Variants in DLGAP2 observed in about 807,000 individuals in gnomAD.
The protein encoded by DLGAP2 is disks large-associated protein 2.
Under a neutral mutation model 100.3 loss-of-function variants are expected in DLGAP2, and 26 were observed. The ratio of observed to expected loss-of-function variants is 0.26; its 90% CI spans 0.19 to 0.36. The LOEUF (loss-of-function observed/expected upper bound fraction) is 0.36, where lower values mean the gene tolerates loss of function less well. Ranked by LOEUF, DLGAP2 falls within the 10% of genes least tolerant of loss-of-function variation. DLGAP2 has a pLI of 1.00. For synonymous variants in DLGAP2, 886 were observed against 630.1 expected (o/e 1.41, Z -6.08); for missense variants, 1,858 against 1,453.2 (o/e 1.28, Z -4.53).
At position 1,703,972 on chromosome 8, in the gene DLGAP2, G is replaced by C. The variant is rs970879059; in HGVS notation, c.*2566G>C. 1.3e-5 allele frequency: 2 copies of C among 152,556 alleles called. No homozygotes were observed. The highest frequency in any genetic ancestry group is 4.8e-5 in the African/African-American group (2 of 41,412). The allele number at this position is 152,556 out of a possible 1,614,324, so 9.5% of individuals were successfully genotyped here. A position where few individuals can be genotyped will look rare whatever the true frequency, so the allele number is the denominator to read the frequency against. On this transcript the variant is annotated 3_prime_UTR_variant, in exon 15 of 15. Transcript: ENST00000637795. Reference sequence around the variant, plus strand: ...CGGATACCTGCTGCTAGACCTGATGGAATGTTACCTGTCCGTGTTACATAA... The same window carrying C: ...CGGATACCTGCTGCTAGACCTGATGCAATGTTACCTGTCCGTGTTACATAA...
At chr8:1,610,354 CA>C (rs1796955125) in intron 6 of DLGAP2, among the ~76,000 whole-genome samples, 1 of 151,660 alleles carries the variant, frequency 6.6e-6, no homozygotes, top group South Asian at 2.1e-4. Context: ...AACAAAGACA[CA>C]ACAAACCAGA....
intron 2 of DLGAP2, among the ~76,000 whole-genome samples, chr8:1,191,452 G>T (rs1055531789): frequency 6.6e-6 from 1 of 152,154 alleles, no homozygotes; most frequent in Admixed American, 6.5e-5. Flanking sequence ...TTATAGGCGT[G>T]AGCCACCGCG....
At chr8:840,002 C>T (rs546118374) in intron 1 of DLGAP2, among the ~76,000 whole-genome samples, 14 of 148,110 alleles carry the variant, frequency 9.5e-5, no homozygotes, top group South Asian at 9.1e-4. Context: ...CACGCCTGCA[C>T]GTCTCCCCAC....
intron 2 of DLGAP2, among the ~76,000 whole-genome samples, chr8:968,820 G>T (rs1351942317): frequency 1.3e-5 from 2 of 152,182 alleles, no homozygotes; most frequent in African/African-American, 4.8e-5. Flanking sequence ...ATGAGTCGCA[G>T]TGGATCCACG....
At chr8:738,355 A>G (rs1438585298) in intron 1 of DLGAP2, among the ~76,000 whole-genome samples, 2 of 150,598 alleles carry the variant, frequency 1.3e-5, no homozygotes, top group African/African-American at 4.9e-5. Context: ...GGCGGGGGCG[A>G]CCAGGATGGG....
chr8:1,583,177 C>T (rs1448374077), intron 6 of DLGAP2, among the ~76,000 whole-genome samples: 3 of 152,118 alleles, frequency 2.0e-5, no homozygotes, highest in African/African-American at 4.8e-5. Context: ...CTGACACTTC[C>T]GTTTTGGGAT....
chr8:1,320,953 G>A (rs2117038525), intron 3 of DLGAP2, among the ~76,000 whole-genome samples: 1 of 152,336 alleles, frequency 6.6e-6, no homozygotes, highest in East Asian at 1.9e-4. Context: ...ATCTGTGTGT[G>A]TGCATGCATC....
intron 3 of DLGAP2, among the ~76,000 whole-genome samples, chr8:1,419,829 G>A (rs918852268): frequency 1.3e-5 from 2 of 152,152 alleles, no homozygotes; most frequent in African/African-American, 4.8e-5. Context: ...GCCACCATAT[G>A]AGCCAGCAAT....
At chr8:1,634,029 A>C (rs1219711873) in intron 8 of DLGAP2, among the ~76,000 whole-genome samples, 1 of 152,216 alleles carries the variant, frequency 6.6e-6, no homozygotes, top group African/African-American at 2.4e-5. Flanking sequence ...CAGAATTAGA[A>C]ATTGCAGTCG....
intron 1 of DLGAP2, among the ~76,000 whole-genome samples, chr8:806,424 C>T (rs552923591): frequency 1.6e-4 from 25 of 152,206 alleles, no homozygotes; most frequent in Non-Finnish European, 3.1e-4. Flanking sequence ...GACTGGTCAC[C>T]GCGGCCAGGG....
chr8:956,681 A>G (rs1024282945), intron 2 of DLGAP2, among the ~76,000 whole-genome samples: 1 of 152,238 alleles, frequency 6.6e-6, no homozygotes, highest in African/African-American at 2.4e-5. Context: ...GTGATGGCAA[A>G]ATAGCCAAAG....
At chr8:1,640,275 C>G (rs917920122) in intron 8 of DLGAP2, among the ~76,000 whole-genome samples, 4 of 152,090 alleles carry the variant, frequency 2.6e-5, no homozygotes, top group Non-Finnish European at 5.9e-5. Context: ...AGAGTTCACC[C>G]TGGGAAGCCC....
rs557089151 is a variant in DLGAP2, at chr8:1,083,100, G to T, written c.73+175134G>T. 3.5e-4 allele frequency among the ~76,000 whole-genome samples: 53 copies of T among 152,224 alleles called. 1 individual carries two copies. Among genetic ancestry groups the T allele is most frequent in the Non-Finnish European group, 5.6e-4 (38 of 68,038 alleles). On this transcript the variant is annotated intron_variant, in intron 2 of 14. Transcript: ENST00000637795. ...AACAAGAGACGTGATCAGTTACACAGTTATCTGTGTGTGAGAGAGGAGTAT... is the reference window on the plus strand; with the variant it reads ...AACAAGAGACGTGATCAGTTACACATTTATCTGTGTGTGAGAGAGGAGTAT...
chr8:1,098,347 T>G (rs886532226), intron 2 of DLGAP2, among the ~76,000 whole-genome samples: 148 of 152,358 alleles, frequency 9.7e-4, no homozygotes, highest in Non-Finnish European at 1.0e-3. Context: ...TCAATGAATG[T>G]TCACCTTCAA....
At chr8:1,542,905 T>G (rs1801410308) in intron 4 of DLGAP2, among the ~76,000 whole-genome samples, 1 of 152,154 alleles carries the variant, frequency 6.6e-6, no homozygotes, top group South Asian at 2.1e-4. Flanking sequence ...CTCTGTCCAC[T>G]CCAGGGGGCT....
At chr8:994,325 C>T (rs986639212) in intron 2 of DLGAP2, among the ~76,000 whole-genome samples, 4 of 152,100 alleles carry the variant, frequency 2.6e-5, no homozygotes, top group Non-Finnish European at 4.4e-5. Flanking sequence ...CTTAGCCTCC[C>T]GAGTAGCTGG....
intron 2 of DLGAP2, among the ~76,000 whole-genome samples, chr8:1,087,671 C>G (rs1396314497): frequency 6.6e-6 from 1 of 152,040 alleles, no homozygotes; most frequent in African/African-American, 2.4e-5. Context: ...TTCCCTGGAG[C>G]TAAATGGTAG....
intron 1 of DLGAP2, among the ~76,000 whole-genome samples, chr8:889,559 C>T (rs528266041): frequency 3.9e-4 from 60 of 152,328 alleles, no homozygotes; most frequent in African/African-American, 1.2e-3. Context: ...GCCTGAAGAG[C>T]ACTCTGGACA....
chr8:1,352,279 G>T (rs6991441), intron 3 of DLGAP2, among the ~76,000 whole-genome samples: 15,139 of 116,136 alleles, frequency 0.13, 3,246 homozygotes, highest in East Asian at 0.4. Flanking sequence ...TGGAAAGGAC[G>T]TGCGGGTCCT....
Sources: gnomAD v4.1 joint callset for allele counts (sites outside exome capture counted in the v4.1 genomes callset) on GRCh38, gnomAD v4.1.1 for gene constraint, MANE v1.5 for transcripts, NCBI Gene and HGNC (gene_info 2026-07-23, HGNC 2026-07-21) for gene names.